Variants in ABLIM3 observed in about 807,000 individuals in gnomAD.
The protein encoded by ABLIM3 is actin-binding LIM protein 3.
A neutral mutation model predicts 109.5 loss-of-function variants in ABLIM3; 61 were observed. The observed-to-expected ratio is 0.56, with a 90% CI of 0.45 to 0.69. The LOEUF (loss-of-function observed/expected upper bound fraction) is 0.69, where lower values mean the gene tolerates loss of function less well. Among genes scored for constraint, ABLIM3 ranks in the 30% least tolerant of loss-of-function variants. The probability of loss-of-function intolerance (pLI) is 0.00; values close to 1 mark genes in which losing one functional copy is unlikely to be tolerated. For synonymous variants in ABLIM3, 300 were observed against 324.8 expected, an observed-to-expected ratio of 0.92 and a Z score of 0.82; for missense variants, 796 against 889.5, an observed-to-expected ratio of 0.89 and a Z score of 1.34.
intron 2 of ABLIM3, among the ~76,000 whole-genome samples, chr5:149,155,115 A>G (rs1391639261): frequency 2.0e-5 from 3 of 152,240 alleles, no homozygotes; most frequent in Non-Finnish European, 4.4e-5. Flanking sequence ...CACATGAGCT[A>G]GGAAGCAGAG....
intron 21 of ABLIM3, among the ~76,000 whole-genome samples, chr5:149,251,898 T>A (rs761937277): frequency 3.3e-5 from 5 of 152,206 alleles, no homozygotes; most frequent in Non-Finnish European, 7.3e-5. Flanking sequence ...AGATAGAGGA[T>A]CTTGTCCATG....
chr5:149,146,445 G>A (rs1233923780), intron 2 of ABLIM3, among the ~76,000 whole-genome samples: 2 of 152,074 alleles, frequency 1.3e-5, no homozygotes, highest in Non-Finnish European at 2.9e-5. Context: ...CTTATAGTTT[G>A]AGGTCTTACA....
rs73798018 is a variant in ABLIM3, at chr5:149,182,192, G to T, written c.14-1260G>T. ...CCTTTGTGGTTCAAGGTTGCTGTGAGTCCAGATTAATTTATGATATACTTA... is the reference window on the plus strand; with the variant it reads ...CCTTTGTGGTTCAAGGTTGCTGTGATTCCAGATTAATTTATGATATACTTA... On this transcript the variant is annotated intron_variant, in intron 2 of 23. Transcript: ENST00000309868. Among the ~76,000 whole-genome samples, 1,129 of 152,342 alleles carry T rather than the reference G, an allele frequency of 7.4e-3. 19 individuals are homozygous for T. The highest frequency in any genetic ancestry group is 0.025 in the African/African-American group (1,053 of 41,580).
At position 149,156,952 on chromosome 5, in the gene ABLIM3, C is replaced by T. The variant is rs137920812; in HGVS notation, c.13+14844C>T. ...AAATGACCTCGAAGGTCTTTTGCAA[C>T]TTTGAGATTCTAGTCTGAGATTCTA... On this transcript the variant is annotated intron_variant, in intron 2 of 23. Transcript: ENST00000309868. Among the ~76,000 whole-genome samples, 526 of 152,344 alleles carry T rather than the reference C, an allele frequency of 3.5e-3. 4 individuals are homozygous for T. The highest frequency in any genetic ancestry group is 0.012 in the African/African-American group (484 of 41,574).
intron 2 of ABLIM3, among the ~76,000 whole-genome samples, chr5:149,164,751 G>A (rs1754677534): frequency 6.6e-6 from 1 of 152,178 alleles, no homozygotes; most frequent in African/African-American, 2.4e-5. Context: ...GAAGCAGGAA[G>A]TATTTCTAGA....
chr5:149,241,280 T>C (rs780436120), intron 14 of ABLIM3, among the ~76,000 whole-genome samples: 7 of 152,234 alleles, frequency 4.6e-5, no homozygotes, highest in Admixed American at 3.9e-4. Flanking sequence ...GTATTTGGTA[T>C]TTACGTACTA....
chr5:149,142,102 A>G lies in ABLIM3; in HGVS notation c.7A>G (p.Thr3Ala), dbSNP rs1180330962. ...CCAGTGCAAAGACATCACCATGAAC[A>G]CTAGCAGTAAGTGGATCCTCCTCTC... MN[T>A]SIPYQQNPYN... is the part of the protein sequence containing the mutation. Residue 3 changes from threonine to alanine, a missense_variant, in exon 2 of 24, where the codon ACT (threonine) becomes GCT (alanine). Transcript: ENST00000309868. 1.9e-6 allele frequency: 3 copies of G among 1,612,750 alleles called. No individual in the cohort carries two copies. Among genetic ancestry groups the G allele is most frequent in the East Asian group, 4.5e-5 (2 of 44,750 alleles).
Position 149,247,876 on chromosome 5 carries a change from C to G in ABLIM3, c.1646C>G (p.Thr549Ser). The change falls in exon 18 of 24, where the codon ACC becomes AGC. Residue 549 changes from threonine (T) to serine (S), a missense_variant. Transcript: ENST00000309868. ...CCCTGGACCCCTCCCCGGAGCTCCACCAGCAGCCGGGAAGCCCTGCACACA... is the reference window on the plus strand; with the variant it reads ...CCCTGGACCCCTCCCCGGAGCTCCAGCAGCAGCCGGGAAGCCCTGCACACA... ...ADPWTPPRSS[T>S]SSREALHTAG... 6.2e-7 allele frequency: 1 copy of G among 1,614,248 alleles called. No homozygotes were observed. The highest frequency in any genetic ancestry group is 8.5e-7 in the Non-Finnish European group (1 of 1,180,044).
intron 3 of ABLIM3, among the ~76,000 whole-genome samples, chr5:149,196,234 C>T (rs892739177): frequency 6.6e-6 from 1 of 152,232 alleles, no homozygotes; most frequent in Non-Finnish European, 1.5e-5. Context: ...GGTGAACAAA[C>T]ATTTATGAAA....
chr5:149,226,865 G>A (rs1285143214), intron 8 of ABLIM3, among the ~76,000 whole-genome samples: 2 of 152,104 alleles, frequency 1.3e-5, no homozygotes, highest in South Asian at 2.1e-4. Flanking sequence ...GAGGTTGGGA[G>A]TTTGAGACCA....
chr5:149,162,356 T>A (rs1754450663), intron 2 of ABLIM3, among the ~76,000 whole-genome samples: 1 of 152,212 alleles, frequency 6.6e-6, no homozygotes, highest in Non-Finnish European at 1.5e-5. Flanking sequence ...TCTAGTGTCC[T>A]CATATACAAT....
intron 2 of ABLIM3, among the ~76,000 whole-genome samples, chr5:149,178,608 G>A (rs1037008721): frequency 5.3e-5 from 8 of 152,180 alleles, no homozygotes; most frequent in Admixed American, 1.3e-4. Context: ...AAGGTCAAGC[G>A]ACTCTCAGGA....
At chr5:149,242,684 G>A in intron 15 of ABLIM3, 146 bp downstream of exon 15, 4 of 824,762 alleles carry the variant, frequency 4.8e-6, no homozygotes, top group Non-Finnish European at 8.3e-6. Context: ...CATCACCCAG[G>A]GTGACATTAG....
rs73795938 is a variant in ABLIM3 at position 149,217,179 on chromosome 5, C to T, written c.757+133C>T. 338 of 839,804 alleles carry T rather than the reference C, an allele frequency of 4.0e-4. 1 individual carries two copies. The African/African-American group carries it at 4.8e-3, about 12-fold the overall frequency. 52.0% of individuals were successfully genotyped at this position (839,804 alleles called of 1,614,324 possible). ...GGCTTTTGCCTTGTCCTCAGAATTG[C>T]AATTAATTGGCCCCTCTCTGGGTGG... is the stretch of plus-strand genomic sequence containing the variant. On this transcript the variant is annotated intron_variant, in intron 8 of 23. Coordinates refer to ENST00000309868, the MANE Select transcript of ABLIM3 (RefSeq NM_014945.5).
Position 149,258,502 on chromosome 5 carries a change from C to T in ABLIM3, c.*98C>T. On this transcript the variant is annotated 3_prime_UTR_variant, in exon 24 of 24. Coordinates refer to ENST00000309868, the MANE Select transcript of ABLIM3 (RefSeq NM_014945.5). Reference sequence around the variant, plus strand: ...ATCCTCTCTTGTGTAATGGGACACACTGCCTGCCATGAGACTTGCTTTTCT... The same window carrying T: ...ATCCTCTCTTGTGTAATGGGACACATTGCCTGCCATGAGACTTGCTTTTCT... 7.0e-7 allele frequency: 1 copy of T among 1,423,114 alleles called. No individual in the cohort carries two copies. The highest frequency in any genetic ancestry group is 9.1e-7 in the Non-Finnish European group (1 of 1,093,318). 88.2% of individuals were successfully genotyped at this position (1,423,114 alleles called of 1,614,324 possible). A position where few individuals can be genotyped will look rare whatever the true frequency, so the allele number is the denominator to read the frequency against.
At chr5:149,246,895 G>T (rs1753421455) in intron 17 of ABLIM3, among the ~76,000 whole-genome samples, 1 of 152,150 alleles carries the variant, frequency 6.6e-6, no homozygotes, top group Non-Finnish European at 1.5e-5. Flanking sequence ...CAATTTGGTG[G>T]TTCCTCAAAA....
chr5:149,155,289 C>G (rs561936212), intron 2 of ABLIM3, among the ~76,000 whole-genome samples: 28 of 152,192 alleles, frequency 1.8e-4, no homozygotes, highest in Non-Finnish European at 2.8e-4. Context: ...GCACTATTCA[C>G]TCATTCACTC....
intron 2 of ABLIM3, among the ~76,000 whole-genome samples, chr5:149,164,733 G>A (rs967852575): frequency 6.6e-6 from 1 of 152,182 alleles, no homozygotes; most frequent in Non-Finnish European, 1.5e-5. Flanking sequence ...TGGAGAGGGA[G>A]GAGGGGAGAA....
At chr5:149,227,070 C>CAAAA (rs70973514) in intron 8 of ABLIM3, among the ~76,000 whole-genome samples, 2 of 96,294 alleles carry the variant, frequency 2.1e-5, no homozygotes, top group African/African-American at 8.5e-5. Flanking sequence ...AACTCCATCT[C>CAAAA]AAAAAAAAAA....
Sources: allele counts gnomAD v4.1 joint callset (sites outside exome capture counted in the v4.1 genomes callset), GRCh38; gene constraint gnomAD v4.1.1; transcripts MANE v1.5; gene names NCBI Gene and HGNC (gene_info 2026-07-23, HGNC 2026-07-21).